Variants in PHKB observed in about 807,000 individuals in gnomAD.
PHKB encodes phosphorylase kinase regulatory subunit beta.
Under a neutral mutation model 152.1 loss-of-function variants are expected in PHKB, and 122 were observed. That is an observed-to-expected ratio of 0.80 (90% CI 0.69 to 0.93). PHKB has a LOEUF of 0.93. Among genes scored for constraint, PHKB ranks in the 40% least tolerant of loss-of-function variants. The pLI is 0.00. For synonymous variants in PHKB, 436 were observed against 464.9 expected, an observed-to-expected ratio of 0.94 and a Z score of 0.80; for missense variants, 1,304 against 1,328.4, an observed-to-expected ratio of 0.98 and a Z score of 0.29.
At chr16:47,667,138 G>T (rs1236734730) in intron 25 of PHKB, among the ~76,000 whole-genome samples, 3 of 151,918 alleles carry the variant, frequency 2.0e-5, no homozygotes, top group South Asian at 2.1e-4. Flanking sequence ...ACTAATAAAA[G>T]ATAAAAGATT....
chr16:47,471,870 G>A (rs192598674), intron 1 of PHKB, among the ~76,000 whole-genome samples: 34 of 152,028 alleles, frequency 2.2e-4, no homozygotes, highest in Non-Finnish European at 4.1e-4. Context: ...CCTGGCTAAC[G>A]TGGTGAAACC....
intron 25 of PHKB, among the ~76,000 whole-genome samples, chr16:47,668,148 C>T (rs756672312): frequency 3.9e-5 from 6 of 152,216 alleles, no homozygotes; most frequent in Non-Finnish European, 7.3e-5. Context: ...TTCTACCAAG[C>T]ACATTCGGAT....
intron 20 of PHKB, among the ~76,000 whole-genome samples, chr16:47,654,554 A>G (rs1299532219): frequency 6.6e-6 from 1 of 152,110 alleles, no homozygotes; most frequent in Non-Finnish European, 1.5e-5. Flanking sequence ...AACCAACCCA[A>G]ATGTCCAACA....
intron 5 of PHKB, among the ~76,000 whole-genome samples, chr16:47,514,617 G>A (rs949869472): frequency 2.0e-5 from 3 of 152,182 alleles, no homozygotes; most frequent in African/African-American, 7.2e-5. Context: ...CAACTCACGT[G>A]CCAGCTTCCT....
chr16:47,602,137 T>C (rs947971675), intron 13 of PHKB, among the ~76,000 whole-genome samples: 2 of 152,130 alleles, frequency 1.3e-5, no homozygotes, highest in Non-Finnish European at 2.9e-5. Flanking sequence ...CATAGCTCAA[T>C]GGAGTCCCAA....
chr16:47,548,794 A>G (rs1971220398), intron 7 of PHKB, among the ~76,000 whole-genome samples: 1 of 152,146 alleles, frequency 6.6e-6, no homozygotes, highest in African/African-American at 2.4e-5. Context: ...TTTATGATTC[A>G]GTTTTCTCAT....
intron 1 of PHKB, among the ~76,000 whole-genome samples, chr16:47,468,795 G>T (rs1472747252): frequency 3.9e-5 from 6 of 152,096 alleles, no homozygotes; most frequent in Non-Finnish European, 8.8e-5. Context: ...CTATCTTTGG[G>T]TCCATAAGAT....
At chr16:47,494,365 G>C (rs1457374972) in intron 1 of PHKB, among the ~76,000 whole-genome samples, 1 of 152,182 alleles carries the variant, frequency 6.6e-6, no homozygotes, top group African/African-American at 2.4e-5. Context: ...TGTGTTTCCA[G>C]TAACTTATAT....
chr16:47,655,894 T>C (rs151050190), intron 20 of PHKB, among the ~76,000 whole-genome samples: 327 of 152,312 alleles, frequency 2.1e-3, no homozygotes, highest in African/African-American at 7.5e-3. Context: ...TTCATCACTT[T>C]CTTTTCAGCA....
intron 1 of PHKB, chr16:47,464,208 G>T (rs1042001758): frequency 1.8e-6 from 1 of 565,234 alleles, no homozygotes; most frequent in African/African-American, 1.9e-5. Context: ...ACAGAGAGTG[G>T]AGTGCCTGCC....
At chr16:47,647,671 G>A (rs1390793053) in intron 16 of PHKB, among the ~76,000 whole-genome samples, 11 of 151,702 alleles carry the variant, frequency 7.3e-5, no homozygotes, top group Non-Finnish European at 1.5e-4. Context: ...CTAATTTTTT[G>A]TATTTTTGGT....
intron 2 of PHKB, among the ~76,000 whole-genome samples, chr16:47,498,143 C>G (rs1970264342): frequency 6.6e-6 from 1 of 152,180 alleles, no homozygotes; most frequent in Non-Finnish European, 1.5e-5. Context: ...TTCTCTCCCC[C>G]TAAGATGATG....
rs144623262 is a variant in PHKB at position 47,466,358 on chromosome 16, G to A, written c.76+4932G>A. Among the ~76,000 whole-genome samples the A allele has an allele frequency of 1.8e-4, 28 of 152,274 alleles. No homozygotes were observed. In the East Asian group the frequency reaches 5.2e-3, roughly 28 times the overall value. ...CTTAGATTGCTTCCGTTTCTCATGTGGCCACTACAGTTATATTAAGTTAGC... is the reference window on the plus strand; with the variant it reads ...CTTAGATTGCTTCCGTTTCTCATGTAGCCACTACAGTTATATTAAGTTAGC... On this transcript the variant is annotated intron_variant, in intron 1 of 30. Transcript: ENST00000323584.
intron 8 of PHKB, 75 bp downstream of exon 8, chr16:47,580,433 GT>G (rs1387169050): frequency 1.8e-5 from 19 of 1,076,256 alleles, no homozygotes; most frequent in Admixed American, 1.0e-4. Context: ...CATTAACAAA[GT>G]CATTTCCTTA....
chr16:47,545,513 G>A (rs578225854), intron 6 of PHKB, among the ~76,000 whole-genome samples: 1 of 152,090 alleles, frequency 6.6e-6, no homozygotes, highest in African/African-American at 2.4e-5. Context: ...TTTCTCTCTG[G>A]CTGCTGTTAA....
Position 47,659,549 on chromosome 16 carries a change from C to T in PHKB, c.1972-957C>T, listed in dbSNP as rs1973400628. Among the ~76,000 whole-genome samples, 3 of 152,236 alleles carry T rather than the reference C, an allele frequency of 2.0e-5. No individual in the cohort carries two copies. In the South Asian group the frequency reaches 6.2e-4, roughly 32 times the overall value. ...AGGTTTATCATTCATTTATACTGTT[C>T]ATACTGTTCACCATGAACCACTGAC... On this transcript the variant is annotated intron_variant, in intron 20 of 30. Coordinates refer to ENST00000323584, the MANE Select transcript of PHKB (RefSeq NM_000293.3).
chr16:47,525,363 C>T (rs1970749348), intron 6 of PHKB, among the ~76,000 whole-genome samples: 1 of 152,054 alleles, frequency 6.6e-6, no homozygotes, highest in Admixed American at 6.5e-5. Context: ...AAAAAGATAA[C>T]TACTTTCTAT....
chr16:47,686,990 A>G (rs1416545724), intron 26 of PHKB, among the ~76,000 whole-genome samples: 3 of 152,214 alleles, frequency 2.0e-5, no homozygotes, highest in African/African-American at 2.4e-5. Context: ...GAATCATGAC[A>G]TAAAACAAGA....
chr16:47,599,878 T>C (rs954724240), intron 13 of PHKB, among the ~76,000 whole-genome samples: 7 of 152,226 alleles, frequency 4.6e-5, no homozygotes, highest in African/African-American at 1.2e-4. Flanking sequence ...ATTTAGTTGC[T>C]CTTAACTGTT....
Sources: allele counts gnomAD v4.1 joint callset (sites outside exome capture counted in the v4.1 genomes callset), GRCh38; gene constraint gnomAD v4.1.1; transcripts MANE v1.5; gene names NCBI Gene and HGNC (gene_info 2026-07-23, HGNC 2026-07-21).